NLK: variants seen among roughly 807,000 people sequenced by gnomAD.
NLK encodes the protein serine/threonine-protein kinase NLK.
In NLK, 11 loss-of-function variants were observed where a neutral mutation model predicts 59.0. That is an observed-to-expected ratio of 0.19 (90% CI 0.12 to 0.31). The LOEUF is 0.31. Among genes scored for constraint, NLK ranks in the 10% least tolerant of loss-of-function variants. The probability of loss-of-function intolerance (pLI) is 1.00; values close to 1 mark genes in which losing one functional copy is unlikely to be tolerated. For synonymous variants in NLK, 235 were observed against 235.9 expected (o/e 1.00, Z 0.03); for missense variants, 410 against 661.1 (o/e 0.62, Z 4.16).
chr17:28,163,190 T>A (rs1908086181), intron 4 of NLK, among the ~76,000 whole-genome samples: 1 of 152,176 alleles, frequency 6.6e-6, no homozygotes, highest in African/African-American at 2.4e-5. Flanking sequence ...AGGCTCCGAG[T>A]TGCAGGTTAA....
intron 1 of NLK, among the ~76,000 whole-genome samples, chr17:28,096,635 G>A (rs996357697): frequency 6.6e-6 from 1 of 152,124 alleles, no homozygotes; most frequent in African/African-American, 2.4e-5. Context: ...GGTCATTGCT[G>A]TAAATTAATC....
At chr17:28,093,734 C>G (rs1476394835) in intron 1 of NLK, among the ~76,000 whole-genome samples, 3 of 152,224 alleles carry the variant, frequency 2.0e-5, no homozygotes. Flanking sequence ...GTTAACTTCT[C>G]TGTGCATTAG....
intron 3 of NLK, among the ~76,000 whole-genome samples, chr17:28,156,232 G>A (rs917237223): frequency 6.6e-6 from 1 of 152,008 alleles, no homozygotes; most frequent in Non-Finnish European, 1.5e-5. Flanking sequence ...TAATCATTTT[G>A]CCAATCTCAT....
At chr17:28,050,014 C>T (rs1422578112) in intron 1 of NLK, among the ~76,000 whole-genome samples, 3 of 152,266 alleles carry the variant, frequency 2.0e-5, no homozygotes, top group East Asian at 3.9e-4. Context: ...CTTGTTCTTA[C>T]AATATTCAAT....
intron 5 of NLK, among the ~76,000 whole-genome samples, chr17:28,166,333 A>G (rs993826668): frequency 6.6e-6 from 1 of 152,194 alleles, no homozygotes; most frequent in African/African-American, 2.4e-5. Flanking sequence ...AGTTGTAAAG[A>G]TGGTGGCTTC....
chr17:28,082,700 G>A (rs1910389620), intron 1 of NLK, among the ~76,000 whole-genome samples: 1 of 152,196 alleles, frequency 6.6e-6, no homozygotes, highest in Non-Finnish European at 1.5e-5. Flanking sequence ...GCCCAAAAGG[G>A]TTTGTCTTCA....
Position 28,194,798 on chromosome 17 carries a change from C to G in NLK, c.*162C>G. 2.3e-6 allele frequency: 1 copy of G among 428,568 alleles called. No homozygotes were observed. The highest frequency in any genetic ancestry group is 4.2e-6 in the Non-Finnish European group (1 of 240,450). 26.5% of individuals were successfully genotyped at this position (428,568 alleles called of 1,614,324 possible). A position where few individuals can be genotyped will look rare whatever the true frequency, so the allele number is the denominator to read the frequency against. On this transcript the variant is annotated 3_prime_UTR_variant, in exon 11 of 11. Coordinates refer to ENST00000407008, the MANE Select transcript of NLK (RefSeq NM_016231.5). ...ATATGAATAATATTTAGAAATGTTA[C>G]TAGACTTTTAATCTTGTAAAGTGGT... is the stretch of plus-strand genomic sequence containing the variant.
Position 28,194,794 on chromosome 17 carries a change from G to C in NLK, c.*158G>C. 2.3e-6 allele frequency: 1 copy of C among 430,472 alleles called. No individual in the cohort carries two copies. Among genetic ancestry groups the C allele is most frequent in the Non-Finnish European group, 4.1e-6 (1 of 241,050 alleles). 26.7% of individuals were successfully genotyped at this position (430,472 alleles called of 1,614,324 possible). ...TATGATATGAATAATATTTAGAAAT[G>C]TTACTAGACTTTTAATCTTGTAAAG... On this transcript the variant is annotated 3_prime_UTR_variant, in exon 11 of 11. Coordinates refer to ENST00000407008, the MANE Select transcript of NLK (RefSeq NM_016231.5).
chr17:28,062,082 A>C (rs1909680851), intron 1 of NLK: 1 of 151,636 alleles, frequency 6.6e-6, no homozygotes, highest in Non-Finnish European at 1.5e-5. Context: ...AATGCCATGT[A>C]CTTTAGTGGG....
At chr17:28,068,228 T>C (rs1200460036) in intron 1 of NLK, among the ~76,000 whole-genome samples, 2 of 152,224 alleles carry the variant, frequency 1.3e-5, no homozygotes, top group Non-Finnish European at 2.9e-5. Context: ...TTTGCCTTTA[T>C]ACTTTTCTCA....
intron 7 of NLK, among the ~76,000 whole-genome samples, chr17:28,175,578 A>T (rs2142060598): frequency 6.6e-6 from 1 of 151,894 alleles, no homozygotes. Context: ...CTTTACTAGT[A>T]CCTCCCTTTG....
intron 7 of NLK, among the ~76,000 whole-genome samples, chr17:28,174,606 A>C (rs1448847889): frequency 1.3e-5 from 2 of 152,196 alleles, no homozygotes; most frequent in Non-Finnish European, 2.9e-5. Context: ...GTCTTTTAGC[A>C]CTAATCCAGC....
intron 7 of NLK, among the ~76,000 whole-genome samples, chr17:28,182,864 GT>G (rs1908966051): frequency 6.6e-6 from 1 of 152,158 alleles, no homozygotes; most frequent in African/African-American, 2.4e-5. Context: ...TTTTTAAATT[GT>G]TTTTCAAATG....
At chr17:28,055,153 C>T (rs1285355838) in intron 1 of NLK, among the ~76,000 whole-genome samples, 1 of 145,342 alleles carries the variant, frequency 6.9e-6, no homozygotes, top group East Asian at 2.0e-4. Context: ...AGTGCAGTGG[C>T]GTGATCTTGG....
At chr17:28,159,606 A>G in intron 3 of NLK, among the ~76,000 whole-genome samples, 1 of 152,230 alleles carries the variant, frequency 6.6e-6, no homozygotes, top group Admixed American at 6.5e-5. Context: ...CCACATGCCA[A>G]ATATCATTTT....
At chr17:28,172,868 T>A (rs1327149484) in intron 7 of NLK, among the ~76,000 whole-genome samples, 1 of 152,186 alleles carries the variant, frequency 6.6e-6, no homozygotes, top group African/African-American at 2.4e-5. Flanking sequence ...GCTTTGTGTC[T>A]CCTGATTTAT....
intron 3 of NLK, among the ~76,000 whole-genome samples, chr17:28,146,268 C>G (rs893300828): frequency 1.3e-5 from 2 of 152,068 alleles, no homozygotes; most frequent in Non-Finnish European, 2.9e-5. Context: ...TTCTTACTCA[C>G]AGTTATTTTA....
At chr17:28,184,807 C>T (rs986438059) in intron 7 of NLK, among the ~76,000 whole-genome samples, 6 of 152,206 alleles carry the variant, frequency 3.9e-5, no homozygotes, top group East Asian at 1.9e-4. Context: ...ATTACCCAAG[C>T]GTGATGGCAC....
At chr17:28,047,282 T>C (rs1418888322) in intron 1 of NLK, among the ~76,000 whole-genome samples, 2 of 152,216 alleles carry the variant, frequency 1.3e-5, no homozygotes, top group East Asian at 3.8e-4. Context: ...GATTGTCAGA[T>C]TTATCAGGTG....
Sources: gnomAD v4.1 joint callset for allele counts (sites outside exome capture counted in the v4.1 genomes callset) on GRCh38, gnomAD v4.1.1 for gene constraint, MANE v1.5 for transcripts, NCBI Gene and HGNC (gene_info 2026-07-23, HGNC 2026-07-21) for gene names.